The following PCSK5 variants were observed in gnomAD, a reference collection of about 807,000 sequenced individuals.
The protein encoded by PCSK5 is proprotein convertase subtilisin/kexin type 5.
In PCSK5, 129 loss-of-function variants were observed where a neutral mutation model predicts 233.2. That is an observed-to-expected ratio of 0.55 (90% CI 0.48 to 0.64). PCSK5 has a LOEUF of 0.64. PCSK5 is among the 30% of genes least tolerant of loss of function. PCSK5 has a pLI of 0.00. For synonymous variants in PCSK5, 825 were observed against 879.2 expected, an observed-to-expected ratio of 0.94 and a Z score of 1.09; for missense variants, 2,076 against 2,430.1, an observed-to-expected ratio of 0.85 and a Z score of 3.06.
At chr9:76,130,262 T>A (rs1474875416) in intron 9 of PCSK5, among the ~76,000 whole-genome samples, 1 of 152,138 alleles carries the variant, frequency 6.6e-6, no homozygotes, top group African/African-American at 2.4e-5. Flanking sequence ...AGAGTGTGTG[T>A]ACAAAGTGTG....
At chr9:76,328,550 T>C (rs1371094325) in intron 33 of PCSK5, among the ~76,000 whole-genome samples, 1 of 152,172 alleles carries the variant, frequency 6.6e-6, no homozygotes, top group African/African-American at 2.4e-5. Context: ...TCTCTCAATG[T>C]ATACATGTAC....
chr9:76,233,776 G>T (rs1043340550), intron 22 of PCSK5, among the ~76,000 whole-genome samples, 180 bp downstream of exon 22: 4 of 152,116 alleles, frequency 2.6e-5, no homozygotes, highest in African/African-American at 7.2e-5. Flanking sequence ...CAAAAAGCTT[G>T]TTCACCTTAT....
chr9:76,252,578 T>G (rs1405198190), intron 24 of PCSK5, among the ~76,000 whole-genome samples: 1 of 152,190 alleles, frequency 6.6e-6, no homozygotes. Flanking sequence ...GAGCATATTT[T>G]CAGTTAGCCG....
intron 2 of PCSK5, among the ~76,000 whole-genome samples, chr9:75,958,279 C>T (rs1825182510): frequency 6.6e-6 from 1 of 152,206 alleles, no homozygotes; most frequent in South Asian, 2.1e-4. Context: ...AGAATAAACT[C>T]AGCCTCTGAC....
At chr9:76,263,789 G>GA (rs904001097) in intron 24 of PCSK5, among the ~76,000 whole-genome samples, 266 of 142,870 alleles carry the variant, frequency 1.9e-3, no homozygotes, top group Non-Finnish European at 2.3e-3. Context: ...AATAATAAAA[G>GA]AAAAAAAAAA....
At chr9:76,148,363 C>T (rs1280809347) in intron 10 of PCSK5, among the ~76,000 whole-genome samples, 2 of 133,856 alleles carry the variant, frequency 1.5e-5, no homozygotes, top group Non-Finnish European at 3.1e-5. Flanking sequence ...CTCTCTCTCC[C>T]TCTCTCTCCC....
At position 75,932,403 on chromosome 9, in the gene PCSK5, C is replaced by T; in HGVS notation, c.217C>T (p.His73Tyr). 1.2e-6 allele frequency: 2 copies of T among 1,611,794 alleles called. No homozygotes were observed. The highest frequency in any genetic ancestry group is 8.5e-7 in the Non-Finnish European group (1 of 1,177,958). Residue 73 changes from histidine to tyrosine, a missense_variant, in exon 2 of 38, where the codon CAC becomes TAC. Transcript: ENST00000674117. The stretch of plus-strand genomic sequence containing the variant: ...GATAGGGGCCCTGAAGGACTACTAC[C>T]ACTTCTACCATAGCAGGACGATTAA... The part of the protein sequence containing the change: ...GQIGALKDYY[H>Y]FYHSRTIKRS...
In PCSK5 at chr9:75,947,455, G is replaced by A. The variant is rs554663745; in HGVS notation, c.297+14972G>A. Among the ~76,000 whole-genome samples the A allele has an allele frequency of 3.3e-5, 5 of 152,042 alleles. No homozygotes were observed. The East Asian group carries it at 7.7e-4, about 23-fold the overall frequency. On this transcript the variant is annotated intron_variant, in intron 2 of 37. Coordinates refer to ENST00000674117, the MANE Select transcript of PCSK5 (RefSeq NM_001372043.1). ...TTAATCCTTTCGCAAAGCTAAGTAA[G>A]CATATGAGTTGGCAAGCCTAGGCTG...
chr9:75,937,180 C>CTTT (rs35148539), intron 2 of PCSK5, among the ~76,000 whole-genome samples: 1 of 136,198 alleles, frequency 7.3e-6, no homozygotes, highest in African/African-American at 2.8e-5. Context: ...TAGCATAATT[C>CTTT]TTTTTTTTTT....
chr9:76,112,537 T>G (rs1832264413), intron 9 of PCSK5, among the ~76,000 whole-genome samples: 1 of 152,174 alleles, frequency 6.6e-6, no homozygotes, highest in African/African-American at 2.4e-5. Flanking sequence ...TAGGCTCACC[T>G]ACTTTCTCCT....
chr9:75,909,719 G>T (rs1340270215), intron 1 of PCSK5, among the ~76,000 whole-genome samples: 2 of 152,178 alleles, frequency 1.3e-5, no homozygotes. Flanking sequence ...CCCTCAGAAA[G>T]ATTTTCTAAA....
intron 24 of PCSK5, among the ~76,000 whole-genome samples, chr9:76,265,170 C>T (rs532441407): frequency 6.6e-6 from 1 of 152,134 alleles, no homozygotes; most frequent in African/African-American, 2.4e-5. Context: ...AAACCAAATA[C>T]TGCCTGTTCT....
chr9:76,254,172 G>A (rs867805427), intron 24 of PCSK5, among the ~76,000 whole-genome samples: 2 of 152,060 alleles, frequency 1.3e-5, no homozygotes, highest in Non-Finnish European at 2.9e-5. Flanking sequence ...ACATGATTAC[G>A]CCTGGGATCA....
chr9:76,008,000 T>G (rs946581078), intron 3 of PCSK5, among the ~76,000 whole-genome samples: 1 of 152,098 alleles, frequency 6.6e-6, no homozygotes, highest in African/African-American at 2.4e-5. Context: ...CTCCCAGAAC[T>G]GGTGCCTTTC....
At chr9:76,092,774 A>G (rs1185386902) in intron 7 of PCSK5, among the ~76,000 whole-genome samples, 1 of 152,208 alleles carries the variant, frequency 6.6e-6, no homozygotes, top group African/African-American at 2.4e-5. Context: ...GGTTTTTTAG[A>G]AATGTTAGCC....
rs1176709986 is a variant in PCSK5 at position 76,174,983 on chromosome 9, A to C, written c.1757-3A>C. The C allele has an allele frequency of 2.3e-5, 36 of 1,595,722 alleles. No individual in the cohort carries two copies. Among genetic ancestry groups the C allele is most frequent in the Non-Finnish European group, 3.0e-5 (35 of 1,170,958 alleles). On this transcript the variant is annotated splice_polypyrimidine_tract_variant and splice_region_variant and intron_variant, in intron 13 of 37. Transcript: ENST00000674117. ...TGCTGTGATTTCATTATTATTTCTC[A>C]AGGTAAATTGAAAGAATGGTCTTTG...
intron 32 of PCSK5, among the ~76,000 whole-genome samples, chr9:76,323,650 C>T (rs1829274952): frequency 6.6e-6 from 1 of 152,084 alleles, no homozygotes; most frequent in Non-Finnish European, 1.5e-5. Context: ...CCATCTCATC[C>T]TTTACCATCT....
intron 3 of PCSK5, among the ~76,000 whole-genome samples, chr9:76,001,413 G>GA (rs1178031594): frequency 2.4e-5 from 3 of 126,296 alleles, no homozygotes; most frequent in Non-Finnish European, 3.3e-5. Context: ...TAGTCCTCCA[G>GA]AAAAAAAATC....
rs1286246110 is a variant in PCSK5, at chr9:76,175,305, TAGAATAGAAC to T, written c.1900+181_1900+190del. 32 of 578,582 alleles carry T rather than the reference TAGAATAGAAC, an allele frequency of 5.5e-5. No individual in the cohort carries two copies. In the African/African-American group the frequency reaches 5.9e-4, roughly 11 times the overall value. 35.8% of individuals were successfully genotyped at this position (578,582 alleles called of 1,614,324 possible). A position where few individuals can be genotyped will look rare whatever the true frequency, so the allele number is the denominator to read the frequency against. On this transcript the variant is annotated intron_variant, in intron 14 of 37. Coordinates refer to ENST00000674117, the MANE Select transcript of PCSK5 (RefSeq NM_001372043.1). Reference sequence around the variant, plus strand: ...TCGAATCGAATCGAATAGAATAGAATAGAATAGAACAGAACAGAATAGAATAGAACAGAAC... The same window carrying T: ...TCGAATCGAATCGAATAGAATAGAATAGAACAGAATAGAATAGAACAGAAC...
Sources: gnomAD v4.1 joint callset for allele counts (sites outside exome capture counted in the v4.1 genomes callset) on GRCh38, gnomAD v4.1.1 for gene constraint, MANE v1.5 for transcripts, NCBI Gene and HGNC (gene_info 2026-07-23, HGNC 2026-07-21) for gene names.